The following PIN4 variants were observed in gnomAD, a reference collection of about 807,000 sequenced individuals.
PIN4 encodes peptidyl-prolyl cis-trans isomerase NIMA-interacting 4.
A neutral mutation model predicts 8.3 loss-of-function variants in PIN4; 3 were observed. The ratio of observed to expected loss-of-function variants is 0.36; its 90% CI spans 0.16 to 0.93. PIN4 has a LOEUF of 0.93. Ranked by LOEUF, PIN4 falls within the 40% of genes least tolerant of loss-of-function variation. The pLI, the probability that PIN4 is intolerant of heterozygous loss-of-function variation, is 0.44. For synonymous variants in PIN4, 18 were observed against 32.5 expected (o/e 0.55, Z 1.52); for missense variants, 75 against 100.6 (o/e 0.75, Z 1.09).
At chrX:72,260,797 C>T (rs188891300) in intron 3 of PIN4, among the ~76,000 whole-genome samples, 81 of 112,028 alleles carry the variant, frequency 7.2e-4, no homozygotes, top group Admixed American at 1.3e-3. Flanking sequence ...CTCCACATCC[C>T]ATCAGTCACC....
At chrX:72,239,807 G>A (rs1202770582) in intron 3 of PIN4, among the ~76,000 whole-genome samples, 1 of 96,116 alleles carries the variant, frequency 1.0e-5, no homozygotes, top group Non-Finnish European at 2.0e-5. Flanking sequence ...GCTGGGTGCA[G>A]TGCCTCACGC....
At chrX:72,202,661 C>A (rs1318271523), downstream of PIN4, among the ~76,000 whole-genome samples, 1 of 111,203 alleles carries the variant, frequency 9.0e-6, no homozygotes, top group African/African-American at 3.3e-5. Flanking sequence ...ACCAGTATTT[C>A]AAAAATAATG....
chrX:72,240,819 G>C (rs191885653), intron 3 of PIN4, among the ~76,000 whole-genome samples: 19 of 108,437 alleles, frequency 1.8e-4, no homozygotes, highest in East Asian at 3.1e-4. Flanking sequence ...AAAAGGGTTG[G>C]GGGGAGGTGG....
chrX:72,256,969 A>G (rs186503312), intron 3 of PIN4, among the ~76,000 whole-genome samples: 1 of 112,252 alleles, frequency 8.9e-6, no homozygotes, highest in East Asian at 2.8e-4. Flanking sequence ...ATATAGGCTG[A>G]CATTAAGGAC....
chrX:72,252,647 C>G (rs1406290173), intron 3 of PIN4, among the ~76,000 whole-genome samples: 1 of 112,306 alleles, frequency 8.9e-6, no homozygotes, highest in Non-Finnish European at 1.9e-5. Context: ...GCCTTGGCCT[C>G]CCAAAGTGCT....
At chrX:72,253,886 T>A (rs1272094022) in intron 3 of PIN4, among the ~76,000 whole-genome samples, 1 of 108,879 alleles carries the variant, frequency 9.2e-6, no homozygotes, top group Non-Finnish European at 1.9e-5. Flanking sequence ...CACTTGAGCT[T>A]GGAAGGTTGA....
At position 72,208,484 on chromosome X, in the gene PIN4, G is replaced by T. The variant is rs1291464310; in HGVS notation, c.312+11580G>T. The T allele has an allele frequency of 9.1e-6, 11 of 1,209,713 alleles. No individual in the cohort carries two copies. In the East Asian group the frequency reaches 2.7e-4, roughly 29 times the overall value. ...CCTTCCTTCTGGTGCTCAAAGAGTT[G>T]GTTGTGCAGTTCTCGATAAAGTAGC... On this transcript the variant is annotated intron_variant, in intron 3 of 3. Transcript: ENST00000423432.
At chrX:72,260,047 A>G (rs2043131831) in intron 3 of PIN4, among the ~76,000 whole-genome samples, 1 of 111,091 alleles carries the variant, frequency 9.0e-6, no homozygotes, top group Non-Finnish European at 1.9e-5. Context: ...CCCAGAGGCC[A>G]TATCCTTAAC....
At chrX:72,256,218 A>T (rs1044918893) in intron 3 of PIN4, among the ~76,000 whole-genome samples, 2 of 112,548 alleles carry the variant, frequency 1.8e-5, no homozygotes, top group African/African-American at 3.2e-5. Context: ...ACACATTTTT[A>T]AAAAATAGCC....
intron 3 of PIN4, among the ~76,000 whole-genome samples, chrX:72,225,852 C>T (rs913655136): frequency 9.0e-6 from 1 of 111,502 alleles, no homozygotes; most frequent in Non-Finnish European, 1.9e-5. Context: ...ATTAGCCCAA[C>T]CCATGGGAGA....
At chrX:72,236,678 G>A (rs2043019101) in intron 3 of PIN4, among the ~76,000 whole-genome samples, 2 of 111,987 alleles carry the variant, frequency 1.8e-5, no homozygotes, top group Non-Finnish European at 3.8e-5. Context: ...CTCAGTTAAC[G>A]TGGTCAGTAG....
chrX:72,187,425 A>G lies in PIN4; in HGVS notation c.117+891A>G, dbSNP rs777074028. 1.2e-4 allele frequency among the ~76,000 whole-genome samples: 14 copies of G among 112,210 alleles called. No individual in the cohort carries two copies. The East Asian group carries it at 2.8e-3, about 22-fold the overall frequency. ...CTGTACTTTGATTCATTCATTCAGT[A>G]AGGACTTAGTGACATCTGCCCTGTG... On this transcript the variant is annotated intron_variant, in intron 2 of 3. Transcript: ENST00000373669.
In PIN4 at chrX:72,260,611, T is replaced by A. The variant is rs768176343; in HGVS notation, c.313-2096T>A. 4.5e-5 allele frequency among the ~76,000 whole-genome samples: 5 copies of A among 112,006 alleles called. No homozygotes were observed. In the South Asian group the frequency reaches 1.9e-3, roughly 42 times the overall value. ...AACTGCCTCCCAAGGCCCTCCTCCT[T>A]AGTGTCTCCCACGTATGTACCTCGC... On this transcript the variant is annotated intron_variant, in intron 3 of 3. Coordinates refer to the PIN4 transcript ENST00000423432.
intron 2 of PIN4, among the ~76,000 whole-genome samples, chrX:72,195,633 T>C (rs1039354069): frequency 4.5e-5 from 5 of 110,325 alleles, no homozygotes; most frequent in African/African-American, 1.7e-4. Flanking sequence ...AGACGGAGAC[T>C]CTGTCTCAAA....
chrX:72,233,322 T>C (rs1162217241), intron 3 of PIN4, among the ~76,000 whole-genome samples: 2 of 111,847 alleles, frequency 1.8e-5, no homozygotes, highest in African/African-American at 6.5e-5. Context: ...CAAATCATTG[T>C]CATAGAAATA....
rs756859732 is a variant in PIN4, at chrX:72,229,162, C to T, written c.312+32258C>T. 3.6e-5 allele frequency among the ~76,000 whole-genome samples: 4 copies of T among 111,754 alleles called. No homozygotes were observed. The South Asian group carries it at 1.5e-3, about 42-fold the overall frequency. On this transcript the variant is annotated intron_variant, in intron 3 of 3. Coordinates refer to the PIN4 transcript ENST00000423432. ...CACACCCCCCTTTTACAACAAGCTTCACTTTGCTTTTCAGCCTCTGAAGGA... is the reference window on the plus strand; with the variant it reads ...CACACCCCCCTTTTACAACAAGCTTTACTTTGCTTTTCAGCCTCTGAAGGA...
At position 72,204,971 on chromosome X, in the gene PIN4, CAT is replaced by C. The variant is rs1168385625; in HGVS notation, c.312+8070_312+8071del. 6.6e-6 allele frequency: 7 copies of C among 1,064,428 alleles called. No homozygotes were observed. The Middle Eastern group carries it at 1.3e-3, about 204-fold the overall frequency. The allele number at this position is 1,064,428 out of a possible 1,213,427, so 87.7% of individuals were successfully genotyped here. A position where few individuals can be genotyped will look rare whatever the true frequency, so the allele number is the denominator to read the frequency against. On this transcript the variant is annotated intron_variant, in intron 3 of 3. Coordinates refer to the PIN4 transcript ENST00000423432. The stretch of plus-strand genomic sequence containing the variant: ...CCAATTATGGGAACAAAAATTCCCT[CAT>C]ATTCAGTTTCACTTTAAAATACAAT...
intron 3 of PIN4, among the ~76,000 whole-genome samples, chrX:72,247,332 G>A (rs950771336): frequency 1.8e-5 from 2 of 112,244 alleles, no homozygotes; most frequent in Non-Finnish European, 3.8e-5. Context: ...GCTTGGCTGT[G>A]AGATGAACAG....
intron 3 of PIN4, among the ~76,000 whole-genome samples, chrX:72,245,587 G>C (rs1358204377): frequency 9.0e-6 from 1 of 111,650 alleles, no homozygotes; most frequent in Non-Finnish European, 1.9e-5. Flanking sequence ...TTGAGACTGA[G>C]GGTTTAATCT....
Sources: gnomAD v4.1 joint callset for allele counts (sites outside exome capture counted in the v4.1 genomes callset) on GRCh38, gnomAD v4.1.1 for gene constraint, MANE v1.5 for transcripts, NCBI Gene and HGNC (gene_info 2026-07-23, HGNC 2026-07-21) for gene names.